Variants in SLC24A2 observed in about 807,000 individuals in gnomAD.
SLC24A2 encodes sodium/potassium/calcium exchanger 2.
A neutral mutation model predicts 62.0 loss-of-function variants in SLC24A2; 36 were observed. The ratio of observed to expected loss-of-function variants is 0.58; its 90% CI spans 0.44 to 0.77. The LOEUF (loss-of-function observed/expected upper bound fraction) is 0.77. SLC24A2 is among the 30% of genes least tolerant of loss of function. The pLI is 0.00. For missense variants in SLC24A2, 846 were observed against 817.9 expected, an observed-to-expected ratio of 1.03 and a Z score of -0.42; for synonymous variants, 358 against 294.0, an observed-to-expected ratio of 1.22 and a Z score of -2.23.
intron 2 of SLC24A2, among the ~76,000 whole-genome samples, chr9:19,655,325 G>A (rs1294617732): frequency 6.6e-6 from 1 of 152,142 alleles, no homozygotes; most frequent in Non-Finnish European, 1.5e-5. Context: ...AAAACTAGAA[G>A]GTAACAAAAC....
At chr9:19,572,259 C>CAA (rs34529143) in intron 7 of SLC24A2, among the ~76,000 whole-genome samples, 4,178 of 67,414 alleles carry the variant, frequency 0.062, 322 homozygotes, top group East Asian at 0.18. Flanking sequence ...GAGTCCGTCT[C>CAA]AAAAAAAAAA....
the SLC24A2 span, among the ~76,000 whole-genome samples, chr9:20,041,760 A>G: frequency 1.8e-4 from 28 of 152,392 alleles, no homozygotes; most frequent in Non-Finnish European, 1.2e-4. Context: ...GTATCTGGCC[A>G]AATGGCTAAG....
the SLC24A2 span, among the ~76,000 whole-genome samples, chr9:20,127,007 C>A: frequency 1.3e-5 from 2 of 152,140 alleles, no homozygotes; most frequent in Non-Finnish European, 2.9e-5. Flanking sequence ...AAATTAAAAC[C>A]AGATCAAACT....
chr9:19,624,261 T>C (rs2117930183), intron 2 of SLC24A2, among the ~76,000 whole-genome samples: 1 of 152,290 alleles, frequency 6.6e-6, no homozygotes, highest in East Asian at 1.9e-4. Context: ...ACCTTGTGGC[T>C]AAATGGGAGA....
chr9:19,542,560 G>A (rs901955578), intron 8 of SLC24A2, among the ~76,000 whole-genome samples: 17 of 152,154 alleles, frequency 1.1e-4, no homozygotes, highest in South Asian at 4.1e-4. Context: ...CATTCAGTAC[G>A]ATATTGGCTA....
intron 2 of SLC24A2, among the ~76,000 whole-genome samples, chr9:19,747,794 C>T (rs540744234): frequency 2.0e-5 from 3 of 152,142 alleles, no homozygotes; most frequent in Non-Finnish European, 2.9e-5. Context: ...ACCACACACA[C>T]GAAGGCTAAC....
At chr9:20,005,920 C>A in the SLC24A2 span, among the ~76,000 whole-genome samples, 1 of 149,448 alleles carries the variant, frequency 6.7e-6, no homozygotes, top group Non-Finnish European at 1.5e-5. Context: ...GAAAATAACC[C>A]AAAGTGAGGG....
chr9:19,581,465 ATAAG>A, intron 5 of SLC24A2, among the ~76,000 whole-genome samples: 1 of 152,272 alleles, frequency 6.6e-6, no homozygotes, highest in East Asian at 1.9e-4. Flanking sequence ...CAGGCCCAGA[ATAAG>A]TAAGATGGAG....
chr9:19,651,231 T>A (rs1818792244), intron 2 of SLC24A2, among the ~76,000 whole-genome samples: 1 of 152,230 alleles, frequency 6.6e-6, no homozygotes, highest in African/African-American at 2.4e-5. Flanking sequence ...ATTATAAAGA[T>A]GCGAATACTT....
At chr9:19,687,183 G>C (rs1819907777) in intron 2 of SLC24A2, among the ~76,000 whole-genome samples, 1 of 152,044 alleles carries the variant, frequency 6.6e-6, no homozygotes, top group East Asian at 1.9e-4. Context: ...TGGGTACTAT[G>C]CTTATTACCT....
chr9:19,901,797 C>T, the SLC24A2 span, among the ~76,000 whole-genome samples: 4 of 151,798 alleles, frequency 2.6e-5, no homozygotes, highest in African/African-American at 9.7e-5. Context: ...GAGAAAGCTA[C>T]TGAGATAAGT....
the SLC24A2 span, among the ~76,000 whole-genome samples, chr9:19,922,744 T>C: frequency 6.6e-6 from 1 of 152,090 alleles, no homozygotes; most frequent in Non-Finnish European, 1.5e-5. Context: ...AAAAATCCCT[T>C]CTGGGATTCA....
the SLC24A2 span, among the ~76,000 whole-genome samples, chr9:20,287,209 T>C: frequency 6.6e-6 from 1 of 152,184 alleles, no homozygotes; most frequent in African/African-American, 2.4e-5. Context: ...CTTCTGTGAC[T>C]CAGCAGTTTA....
At chr9:19,708,330 C>T (rs1442513087) in intron 2 of SLC24A2, among the ~76,000 whole-genome samples, 1 of 151,982 alleles carries the variant, frequency 6.6e-6, no homozygotes, top group Non-Finnish European at 1.5e-5. Context: ...GCCATACTGC[C>T]CAAGGTAATT....
At chr9:19,788,294 CAG>C (rs1268692656) in intron 1 of SLC24A2, among the ~76,000 whole-genome samples, 1 of 152,202 alleles carries the variant, frequency 6.6e-6, no homozygotes, top group African/African-American at 2.4e-5. Context: ...TCACAGCACT[CAG>C]GGGATTGTGT....
At chr9:19,559,549 C>G (rs1233264575) in intron 7 of SLC24A2, among the ~76,000 whole-genome samples, 2 of 152,102 alleles carry the variant, frequency 1.3e-5, no homozygotes, top group African/African-American at 4.8e-5. Context: ...TTGTGCAGAG[C>G]TGAAAACAAT....
chr9:19,719,430 C>T (rs1195406275), intron 2 of SLC24A2, among the ~76,000 whole-genome samples: 2 of 152,210 alleles, frequency 1.3e-5, no homozygotes, highest in East Asian at 1.9e-4. Context: ...CTTTACAACA[C>T]TCTCAGAGAG....
chr9:20,212,789 T>C, the SLC24A2 span, among the ~76,000 whole-genome samples: 3 of 151,270 alleles, frequency 2.0e-5, no homozygotes, highest in African/African-American at 4.9e-5. Context: ...ATATAAAATA[T>C]GTGTAAATAT....
the SLC24A2 span, among the ~76,000 whole-genome samples, chr9:19,945,576 T>C: frequency 6.6e-6 from 1 of 152,200 alleles, no homozygotes; most frequent in Non-Finnish European, 1.5e-5. Context: ...TACCTTTGCT[T>C]GTGGCATGCT....
Sources: allele counts gnomAD v4.1 joint callset (sites outside exome capture counted in the v4.1 genomes callset), GRCh38; gene constraint gnomAD v4.1.1; transcripts MANE v1.5; gene names NCBI Gene and HGNC (gene_info 2026-07-23, HGNC 2026-07-21).